TMEM132D: variants seen among roughly 807,000 people sequenced by gnomAD.
TMEM132D encodes the protein mature OL transmembrane protein.
TMEM132D carries 21 observed loss-of-function variants against 62.3 expected under a neutral mutation model. That is an observed-to-expected ratio of 0.34 (90% CI 0.24 to 0.49). The LOEUF is 0.49. TMEM132D is among the 20% of genes least tolerant of loss of function. The pLI is 0.99. For synonymous variants in TMEM132D, 621 were observed against 575.6 expected (o/e 1.08, Z -1.13); for missense variants, 1,346 against 1,402.8 (o/e 0.96, Z 0.65).
intron 5 of TMEM132D, among the ~76,000 whole-genome samples, chr12:129,140,214 C>CACACACACACACA (rs139838637): frequency 6.7e-6 from 1 of 148,552 alleles, no homozygotes; most frequent in African/African-American, 2.5e-5. Flanking sequence ...GGCGCTGTTA[C>CACACACACACACA]CACACACACA....
intron 4 of TMEM132D, among the ~76,000 whole-genome samples, chr12:129,336,309 G>A (rs1869269482): frequency 6.6e-6 from 1 of 152,124 alleles, no homozygotes; most frequent in African/African-American, 2.4e-5. Context: ...TGGGCACGGT[G>A]GCTCACATCT....
chr12:129,544,248 C>A (rs1011835860), intron 2 of TMEM132D, among the ~76,000 whole-genome samples: 1 of 152,070 alleles, frequency 6.6e-6, no homozygotes, highest in African/African-American at 2.4e-5. Flanking sequence ...CTGTTCAAAT[C>A]CTTTGTCCAT....
intron 2 of TMEM132D, among the ~76,000 whole-genome samples, chr12:129,672,114 A>G (rs1046707701): frequency 2.0e-5 from 3 of 152,224 alleles, no homozygotes; most frequent in African/African-American, 7.2e-5. Flanking sequence ...GAAATCCAAG[A>G]ACATAGTCCT....
chr12:129,843,342 C>T (rs766681133), intron 1 of TMEM132D, among the ~76,000 whole-genome samples: 6 of 152,086 alleles, frequency 3.9e-5, no homozygotes, highest in Non-Finnish European at 7.4e-5. Context: ...TTTATAAATA[C>T]GTTGTCAAAT....
chr12:129,851,809 G>C (rs1873552665), intron 1 of TMEM132D, among the ~76,000 whole-genome samples: 1 of 152,182 alleles, frequency 6.6e-6, no homozygotes, highest in Non-Finnish European at 1.5e-5. Context: ...GTGAGCCACA[G>C]GGTCTTTGCC....
At chr12:129,729,944 A>G (rs2137251201) in intron 1 of TMEM132D, among the ~76,000 whole-genome samples, 1 of 152,206 alleles carries the variant, frequency 6.6e-6, no homozygotes, top group South Asian at 2.1e-4. Context: ...TTGTGAATGT[A>G]CTTTGTAACG....
intron 1 of TMEM132D, among the ~76,000 whole-genome samples, chr12:129,791,992 T>C (rs1871413967): frequency 6.6e-6 from 1 of 152,204 alleles, no homozygotes; most frequent in Non-Finnish European, 1.5e-5. Flanking sequence ...AACCCATCTT[T>C]TATTTCTCAA....
chr12:129,290,156 C>G (rs1475298810), intron 4 of TMEM132D, among the ~76,000 whole-genome samples: 1 of 152,172 alleles, frequency 6.6e-6, no homozygotes, highest in African/African-American at 2.4e-5. Context: ...TTAAGCTCAA[C>G]TTATTTTAAA....
At chr12:129,566,307 T>G (rs1303407492) in intron 2 of TMEM132D, among the ~76,000 whole-genome samples, 1 of 152,078 alleles carries the variant, frequency 6.6e-6, no homozygotes, top group African/African-American at 2.4e-5. Flanking sequence ...TACTGTGATT[T>G]CGAAAGCATC....
intron 3 of TMEM132D, among the ~76,000 whole-genome samples, chr12:129,486,470 A>G (rs11060376): frequency 0.015 from 2,228 of 152,168 alleles, 48 homozygotes; most frequent in African/African-American, 0.05. Context: ...CTGAAGCCCA[A>G]TGAAGAGGGT....
intron 1 of TMEM132D, among the ~76,000 whole-genome samples, chr12:129,891,818 T>C (rs1874933247): frequency 6.6e-6 from 1 of 152,118 alleles, no homozygotes. Flanking sequence ...TGTAAACACA[T>C]GAACTCGAAA....
chr12:129,339,047 G>A lies in TMEM132D; in HGVS notation c.1116-1230C>T, dbSNP rs79388087. ...GTAGAAAGAAAGGAAAGATAAAAGC[G>A]ATCACTTGAAGTCAGGAGTTTGAGA... On this transcript the variant is annotated intron_variant, in intron 3 of 8. Coordinates refer to ENST00000422113, the MANE Select transcript of TMEM132D (RefSeq NM_133448.3). Among the ~76,000 whole-genome samples the A allele has an allele frequency of 2.2e-3, 329 of 152,208 alleles. 9 individuals carry two copies. The East Asian group carries it at 0.055, about 25-fold the overall frequency.
At chr12:129,592,009 A>G (rs1948080206) in intron 2 of TMEM132D, among the ~76,000 whole-genome samples, 1 of 152,208 alleles carries the variant, frequency 6.6e-6, no homozygotes, top group Admixed American at 6.5e-5. Context: ...ACTTATCTAG[A>G]TAACATATTT....
intron 4 of TMEM132D, among the ~76,000 whole-genome samples, chr12:129,276,692 G>A (rs1881016626): frequency 6.6e-6 from 1 of 152,178 alleles, no homozygotes. Flanking sequence ...TACGCCGATA[G>A]TTTTAAACAA....
Position 129,835,115 on chromosome 12 carries a change from A to G in TMEM132D, c.79+68146T>C, listed in dbSNP as rs548462716. On this transcript the variant is annotated intron_variant, in intron 1 of 8. Transcript: ENST00000422113. ...CACGGGATATTTGAGGCTCAATAGC[A>G]AAGGCATTAGGATCGGCACCCATGG... Among the ~76,000 whole-genome samples the G allele has an allele frequency of 1.1e-4, 16 of 152,290 alleles. No individual in the cohort carries two copies. The East Asian group carries it at 2.9e-3, about 28-fold the overall frequency.
intron 5 of TMEM132D, among the ~76,000 whole-genome samples, chr12:129,175,742 C>G (rs890449142): frequency 1.3e-5 from 2 of 152,168 alleles, no homozygotes; most frequent in Admixed American, 1.3e-4. Context: ...TGCTGTTGTA[C>G]CTACTTAGCC....
intron 3 of TMEM132D, among the ~76,000 whole-genome samples, chr12:129,386,945 ATCAC>A (rs1193546998): frequency 6.6e-6 from 1 of 152,112 alleles, no homozygotes; most frequent in Admixed American, 6.5e-5. Flanking sequence ...TGCCAACACT[ATCAC>A]TAACACCAAC....
intron 3 of TMEM132D, among the ~76,000 whole-genome samples, chr12:129,398,607 A>T (rs1871502073): frequency 6.6e-6 from 1 of 152,208 alleles, no homozygotes; most frequent in East Asian, 1.9e-4. Flanking sequence ...CATGATGAGG[A>T]TCACATCTTC....
chr12:129,818,097 C>A (rs1448498515), intron 1 of TMEM132D, among the ~76,000 whole-genome samples: 1 of 107,022 alleles, frequency 9.3e-6, no homozygotes, highest in Non-Finnish European at 1.9e-5. Flanking sequence ...GGGGTGTGTG[C>A]GTTTCTATGT....
Sources: gnomAD v4.1 joint callset for allele counts (sites outside exome capture counted in the v4.1 genomes callset) on GRCh38, gnomAD v4.1.1 for gene constraint, MANE v1.5 for transcripts, NCBI Gene and HGNC (gene_info 2026-07-23, HGNC 2026-07-21) for gene names.